Variants in CLMP observed in about 807,000 individuals in gnomAD.
CLMP encodes the protein CXADR like cell adhesion molecule.
A neutral mutation model predicts 45.2 loss-of-function variants in CLMP; 27 were observed. The ratio of observed to expected loss-of-function variants is 0.60; its 90% CI spans 0.44 to 0.82. The LOEUF (loss-of-function observed/expected upper bound fraction) is 0.82, where lower values mean the gene tolerates loss of function less well. Among genes scored for constraint, CLMP ranks in the 40% least tolerant of loss-of-function variants. CLMP has a pLI of 0.00. For missense variants in CLMP, 403 were observed against 448.4 expected (o/e 0.90, Z 0.91); for synonymous variants, 167 against 171.4 (o/e 0.97, Z 0.20).
At chr11:123,179,641 G>T (rs1022542572) in intron 1 of CLMP, among the ~76,000 whole-genome samples, 2 of 152,214 alleles carry the variant, frequency 1.3e-5, no homozygotes, top group Admixed American at 1.3e-4. Flanking sequence ...GGAAGGGCCA[G>T]TGGCAACCAA....
At chr11:123,150,387 A>C (rs1406986174) in intron 1 of CLMP, among the ~76,000 whole-genome samples, 1 of 147,636 alleles carries the variant, frequency 6.8e-6, no homozygotes, top group Admixed American at 7.0e-5. Flanking sequence ...AATTAGAGCC[A>C]AAAAGATGAA....
At position 123,132,832 on chromosome 11, in the gene CLMP, GC is replaced by G. The variant is rs201564606; in HGVS notation, c.29-34881del. ...CTCACTCTGTGGCTCAGGCTGGAGG[GC>G]CAGTGGTGTGATCTCCGCTCACTGC... On this transcript the variant is annotated intron_variant, in intron 1 of 6. Transcript: ENST00000448775. 8.4e-3 allele frequency among the ~76,000 whole-genome samples: 1,276 copies of G among 151,732 alleles called. 17 individuals carry two copies. The highest frequency in any genetic ancestry group is 0.029 in the African/African-American group (1,206 of 41,364).
chr11:123,141,484 A>G (rs1418850502), intron 1 of CLMP, among the ~76,000 whole-genome samples: 3 of 152,064 alleles, frequency 2.0e-5, no homozygotes, highest in Non-Finnish European at 4.4e-5. Context: ...GCGCCCGGCC[A>G]GGCATTCCTT....
chr11:123,153,309 A>C lies in CLMP; in HGVS notation c.28+41604T>G, dbSNP rs115562527. On this transcript the variant is annotated intron_variant, in intron 1 of 6. Coordinates refer to ENST00000448775, the MANE Select transcript of CLMP (RefSeq NM_024769.5). ...TTTTCTCTCCAAGACGGAGGGCTCA[A>C]CTGAAAACTTTTATCTAATCTGGTT... 2.9e-3 allele frequency among the ~76,000 whole-genome samples: 439 copies of C among 152,304 alleles called. 2 individuals are homozygous for C. Among genetic ancestry groups the C allele is most frequent in the South Asian group, 0.027 (128 of 4,824 alleles).
At chr11:123,123,240 T>C (rs1343038610) in intron 1 of CLMP, among the ~76,000 whole-genome samples, 3 of 145,844 alleles carry the variant, frequency 2.1e-5, no homozygotes, top group Non-Finnish European at 4.5e-5. Flanking sequence ...TTTTTTTCTT[T>C]TCTTTCTTTC....
At chr11:123,170,392 G>A (rs1861614886) in intron 1 of CLMP, among the ~76,000 whole-genome samples, 1 of 151,624 alleles carries the variant, frequency 6.6e-6, no homozygotes, top group Non-Finnish European at 1.5e-5. Context: ...ACGATCTGTG[G>A]AAGTTCCTCC....
At position 123,120,944 on chromosome 11, in the gene CLMP, G is replaced by A. The variant is rs572674069; in HGVS notation, c.29-22992C>T. 3.3e-5 allele frequency among the ~76,000 whole-genome samples: 5 copies of A among 152,050 alleles called. No individual in the cohort carries two copies. The East Asian group carries it at 7.8e-4, about 24-fold the overall frequency. On this transcript the variant is annotated intron_variant, in intron 1 of 6. Coordinates refer to ENST00000448775, the MANE Select transcript of CLMP (RefSeq NM_024769.5). ...GATCGAGACCATCCTTGGTAACATG[G>A]TGAAACCCCCTCTCTACTAAAACTA...
chr11:123,174,268 A>G (rs758878124), intron 1 of CLMP, among the ~76,000 whole-genome samples: 9 of 152,066 alleles, frequency 5.9e-5, no homozygotes, highest in African/African-American at 2.2e-4. Flanking sequence ...CTCCCTCCAC[A>G]TCAGTTCTTT....
At chr11:123,110,024 T>C (rs1489797674) in intron 1 of CLMP, among the ~76,000 whole-genome samples, 1 of 152,180 alleles carries the variant, frequency 6.6e-6, no homozygotes. Context: ...TGTAGCTACC[T>C]TCCATCATTT....
chr11:123,108,731 G>A (rs1361126890), intron 1 of CLMP, among the ~76,000 whole-genome samples: 1 of 152,138 alleles, frequency 6.6e-6, no homozygotes, highest in Non-Finnish European at 1.5e-5. Flanking sequence ...AGTTGGAGAA[G>A]TTTTCAGATT....
chr11:123,099,313 T>C (rs1204651552), intron 1 of CLMP, among the ~76,000 whole-genome samples: 1 of 152,202 alleles, frequency 6.6e-6, no homozygotes, highest in Non-Finnish European at 1.5e-5. Flanking sequence ...TAGTAACAGT[T>C]GTTGCTGACC....
chr11:123,145,017 C>T (rs1324531002), intron 1 of CLMP, among the ~76,000 whole-genome samples: 2 of 152,100 alleles, frequency 1.3e-5, no homozygotes, highest in Non-Finnish European at 2.9e-5. Flanking sequence ...GAATGTAAAA[C>T]ACCCACCAGA....
intron 1 of CLMP, among the ~76,000 whole-genome samples, chr11:123,142,628 T>G (rs1861177518): frequency 8.0e-6 from 1 of 125,394 alleles, no homozygotes. Context: ...TTTCTTTTTT[T>G]TTTTTTTTTT....
At chr11:123,150,561 AAAGGAAGG>A (rs1250034256) in intron 1 of CLMP, among the ~76,000 whole-genome samples, 1 of 120,772 alleles carries the variant, frequency 8.3e-6, no homozygotes, top group Admixed American at 8.4e-5. Flanking sequence ...GGAAGGAAGG[AAAGGAAGG>A]AAGGAAGGAA....
At chr11:123,185,161 G>A (rs923920461) in intron 1 of CLMP, among the ~76,000 whole-genome samples, 5 of 152,100 alleles carry the variant, frequency 3.3e-5, no homozygotes, top group African/African-American at 9.7e-5. Flanking sequence ...GGGGACCAGG[G>A]GACAAAGCAC....
chr11:123,152,322 C>T lies in CLMP; in HGVS notation c.28+42591G>A, dbSNP rs185817913. On this transcript the variant is annotated intron_variant, in intron 1 of 6. Coordinates refer to ENST00000448775, the MANE Select transcript of CLMP (RefSeq NM_024769.5). ...GTGGATCACGAGGTCAAGAGACCAACACCATCCTGGCCAACATGGTAAAAC... is the reference window on the plus strand; with the variant it reads ...GTGGATCACGAGGTCAAGAGACCAATACCATCCTGGCCAACATGGTAAAAC... 3.4e-3 allele frequency among the ~76,000 whole-genome samples: 514 copies of T among 152,016 alleles called. 7 individuals are homozygous for T. The South Asian group carries it at 0.035, about 10-fold the overall frequency.
chr11:123,136,538 C>T (rs1861073947), intron 1 of CLMP, among the ~76,000 whole-genome samples: 1 of 139,204 alleles, frequency 7.2e-6, no homozygotes, highest in African/African-American at 2.7e-5. Context: ...ATGGCTGGAA[C>T]TTGGGTTATT....
intron 2 of CLMP, among the ~76,000 whole-genome samples, chr11:123,086,995 AC>A (rs1398953231): frequency 6.6e-6 from 1 of 152,168 alleles, no homozygotes; most frequent in African/African-American, 2.4e-5. Context: ...GGAGTTTGAG[AC>A]CAGCCTGGCC....
At position 123,164,181 on chromosome 11, in the gene CLMP, G is replaced by A. The variant is rs573264825; in HGVS notation, c.28+30732C>T. 6.3e-4 allele frequency among the ~76,000 whole-genome samples: 95 copies of A among 152,000 alleles called. 1 individual carries two copies. Among genetic ancestry groups the A allele is most frequent in the African/African-American group, 2.1e-3 (87 of 41,502 alleles). ...TTATCTGTTATATTTACCCCCATTC[G>A]TATCATATAATTTATCTATTTCTTT... On this transcript the variant is annotated intron_variant, in intron 1 of 6. Transcript: ENST00000448775.
Sources: gnomAD v4.1 joint callset for allele counts (sites outside exome capture counted in the v4.1 genomes callset) on GRCh38, gnomAD v4.1.1 for gene constraint, MANE v1.5 for transcripts, NCBI Gene and HGNC (gene_info 2026-07-23, HGNC 2026-07-21) for gene names.